Variants in GABRE observed in about 807,000 individuals in gnomAD.
GABRE encodes the protein gamma-aminobutyric acid receptor subunit epsilon.
Under a neutral mutation model 31.0 loss-of-function variants are expected in GABRE, and 20 were observed. That is an observed-to-expected ratio of 0.64 (90% confidence interval 0.45 to 0.94). The LOEUF (loss-of-function observed/expected upper bound fraction) is 0.94. GABRE is among the 40% of genes least tolerant of loss of function. The pLI, the probability that GABRE is intolerant of heterozygous loss-of-function variation, is 0.00. For missense variants in GABRE, 420 were observed against 410.7 expected, an observed-to-expected ratio of 1.02 and a Z score of -0.20; for synonymous variants, 155 against 150.6, an observed-to-expected ratio of 1.03 and a Z score of -0.21.
At chrX:151,966,909 T>C (rs955562323) in intron 3 of GABRE, among the ~76,000 whole-genome samples, 5 of 111,854 alleles carry the variant, frequency 4.5e-5, no homozygotes, top group African/African-American at 1.3e-4. Flanking sequence ...CCTTCAAGCA[T>C]TGTCAGGTGA....
chrX:151,961,500 C>G, intron 4 of GABRE, 135 bp from the exon 5 acceptor site: 1 of 457,212 alleles, frequency 2.2e-6, no homozygotes, highest in Admixed American at 3.8e-5. Flanking sequence ...GAGTCTCACT[C>G]TGTCACCCAG....
intron 5 of GABRE, among the ~76,000 whole-genome samples, chrX:151,960,896 A>G (rs1427562865): frequency 8.9e-6 from 1 of 111,916 alleles, no homozygotes; most frequent in East Asian, 2.8e-4. Flanking sequence ...CTCTTCAATG[A>G]GACAGATGGG....
At chrX:151,974,076 A>G (rs1470335227) in intron 1 of GABRE, among the ~76,000 whole-genome samples, 1 of 111,142 alleles carries the variant, frequency 9.0e-6, no homozygotes, top group African/African-American at 3.3e-5. Context: ...GGCACTCTTA[A>G]AAAAAATGTG....
intron 1 of GABRE, chrX:151,972,269 G>A (rs1934729971): frequency 6.6e-6 from 5 of 753,901 alleles, no homozygotes; most frequent in Non-Finnish European, 7.8e-6. Flanking sequence ...CATTGTGGGC[G>A]AGGGAAGAAC....
In GABRE at chrX:151,969,730, G is replaced by A. The variant is rs1934629625; in HGVS notation, c.281C>T (p.Pro94Leu). The A allele has an allele frequency of 1.4e-5, 17 of 1,209,307 alleles. No homozygotes were observed. In the East Asian group the frequency reaches 4.7e-4, roughly 34 times the overall value. ...HKLRPGIGEK[P>L]TVVTVEISVN... ...GGAGATCTCAACAGTGACCACAGTG[G>A]GCTTCTCTATAAGGGAAGCAGAAGC... Residue 94 changes from proline to leucine, a missense_variant, in exon 3 of 9, where the codon CCC (proline) becomes CTC (leucine). Transcript: ENST00000370328.
chrX:151,958,990 C>A (rs112761881), intron 6 of GABRE: 1 of 327,499 alleles, frequency 3.1e-6, no homozygotes, highest in Non-Finnish European at 5.9e-6. Flanking sequence ...ATGCCTCTCA[C>A]GACAAATGGC....
chrX:151,967,363 A>C (rs1441418228), intron 3 of GABRE, among the ~76,000 whole-genome samples: 1 of 112,141 alleles, frequency 8.9e-6, no homozygotes, highest in African/African-American at 3.2e-5. Context: ...CCATGAGGTT[A>C]CTGTGGACTG....
intron 3 of GABRE, chrX:151,969,375 T>C (rs1261556134): frequency 9.4e-6 from 2 of 212,927 alleles, no homozygotes; most frequent in African/African-American, 5.7e-5. Flanking sequence ...ATACAATAAT[T>C]ATCAGAAGAA....
chrX:151,959,082 G>A (rs1192746709), intron 6 of GABRE: 18 of 328,061 alleles, frequency 5.5e-5, no homozygotes, highest in African/African-American at 5.3e-5. Flanking sequence ...CAGGATGTGT[G>A]AAGAGTGTTT....
Position 151,954,464 on chromosome X carries a change from G to A in GABRE, c.*237C>T, listed in dbSNP as rs749692747. 2.6e-5 allele frequency: 9 copies of A among 348,926 alleles called. No homozygotes were observed. In the East Asian group the frequency reaches 4.1e-4, roughly 16 times the overall value. 28.8% of individuals were successfully genotyped at this position (348,926 alleles called of 1,213,427 possible). A position where few individuals can be genotyped will look rare whatever the true frequency, so the allele number is the denominator to read the frequency against. On this transcript the variant is annotated 3_prime_UTR_variant, in exon 9 of 9. Transcript: ENST00000370328. ...ATCACGGATGCTCCTTGAAGAAGAGGGAGGTGGCCCATTTATTAATAATTT... is the reference window on the plus strand; with the variant it reads ...ATCACGGATGCTCCTTGAAGAAGAGAGAGGTGGCCCATTTATTAATAATTT...
rs142862047 is a variant in GABRE, at chrX:151,958,217, T to C, written c.784+1622A>G. On this transcript the variant is annotated intron_variant, in intron 6 of 8. Transcript: ENST00000370328. ...TATTCCATCAGAGGCTCCACAGCCA[T>C]CAGTGAAGGGCAAGCCTCTCTCTGG... is the stretch of plus-strand genomic sequence containing the variant. The C allele has an allele frequency of 8.9e-3, 1,371 of 154,492 alleles. 16 individuals carry two copies. The highest frequency in any genetic ancestry group is 0.04 in the African/African-American group (1,262 of 31,270). 12.7% of individuals were successfully genotyped at this position (154,492 alleles called of 1,213,427 possible). A position where few individuals can be genotyped will look rare whatever the true frequency, so the allele number is the denominator to read the frequency against.
intron 5 of GABRE, among the ~76,000 whole-genome samples, chrX:151,961,054 G>T (rs1024142629): frequency 1.8e-5 from 2 of 111,565 alleles, no homozygotes; most frequent in Non-Finnish European, 3.8e-5. Flanking sequence ...TGCCAGTGGA[G>T]ATGGAGAGGA....
intron 6 of GABRE, chrX:151,958,268 C>A (rs752041864): frequency 4.9e-6 from 1 of 204,042 alleles, no homozygotes; most frequent in African/African-American, 3.1e-5. Context: ...CTCTTAGAAG[C>A]TCCTGAAGCA....
At chrX:151,973,110 C>CCTGGTGACAAGCACTCCTCGGAGT (rs1934768663) in intron 1 of GABRE, among the ~76,000 whole-genome samples, 5 of 110,837 alleles carry the variant, frequency 4.5e-5, no homozygotes, top group African/African-American at 1.6e-4. Flanking sequence ...AAGGACTGTG[C>CCTGGTGACAAGCACTCCTCGGAGT]CCCAAGTCAC....
chrX:151,966,125 C>T (rs1288925918), intron 3 of GABRE, among the ~76,000 whole-genome samples: 1 of 112,231 alleles, frequency 8.9e-6, no homozygotes, highest in Non-Finnish European at 1.9e-5. Context: ...AATTTCTATT[C>T]GACAACTGTA....
At chrX:151,960,136 A>G (rs977294396) in intron 5 of GABRE, among the ~76,000 whole-genome samples, 160 bp from the exon 6 acceptor site, 3 of 112,232 alleles carry the variant, frequency 2.7e-5, no homozygotes, top group Non-Finnish European at 5.6e-5. Context: ...AGTCCATTCA[A>G]TGAGTGCGTT....
chrX:151,969,609 G>C, intron 3 of GABRE, 60 bp downstream of exon 3: 1 of 1,092,979 alleles, frequency 9.1e-7, no homozygotes, highest in Middle Eastern at 2.5e-4. Context: ...GAAGTCTGTG[G>C]AAGGTCCCAT....
chrX:151,966,946 A>G (rs962367819), intron 3 of GABRE, among the ~76,000 whole-genome samples: 6 of 112,090 alleles, frequency 5.4e-5, no homozygotes, highest in African/African-American at 9.7e-5. Flanking sequence ...ATGAATAGCC[A>G]TGGAGCAAGG....
rs761078993 is a variant in GABRE, at chrX:151,974,670, A to C, written c.-45T>G. On this transcript the variant is annotated 5_prime_UTR_variant, in exon 1 of 9. Coordinates refer to ENST00000370328, the MANE Select transcript of GABRE (RefSeq NM_004961.4). ...ACCACCTGCGCGGAGGTCGCGGCTCACGCTCTGGCCGCACTGAGCGCGGGG... is the reference window on the plus strand; with the variant it reads ...ACCACCTGCGCGGAGGTCGCGGCTCCCGCTCTGGCCGCACTGAGCGCGGGG... 8 of 1,013,893 alleles carry C rather than the reference A, an allele frequency of 7.9e-6. No homozygotes were observed. The East Asian group carries it at 1.1e-4, about 13-fold the overall frequency. The allele number at this position is 1,013,893 out of a possible 1,213,427, so 83.6% of individuals were successfully genotyped here.
Sources: gnomAD v4.1 joint callset for allele counts (sites outside exome capture counted in the v4.1 genomes callset) on GRCh38, gnomAD v4.1.1 for gene constraint, MANE v1.5 for transcripts, NCBI Gene and HGNC (gene_info 2026-07-23, HGNC 2026-07-21) for gene names.